The following TRAP1 variants were observed in gnomAD, a reference collection of about 807,000 sequenced individuals.
TRAP1 encodes heat shock protein 75 kDa, mitochondrial.
Under a neutral mutation model 89.1 loss-of-function variants are expected in TRAP1, and 102 were observed. The ratio of observed to expected loss-of-function variants is 1.15; its 90% CI spans 0.98 to 1.35. TRAP1 has a LOEUF of 1.35. TRAP1 is among the 40% of genes most tolerant of loss of function. TRAP1 has a pLI of 0.00. For synonymous variants in TRAP1, 508 were observed against 388.0 expected (o/e 1.31, Z -3.64); for missense variants, 1,256 against 945.3 (o/e 1.33, Z -4.31).
At chr16:3,669,704 G>A (rs1369936372) in intron 11 of TRAP1, among the ~76,000 whole-genome samples, 1 of 151,696 alleles carries the variant, frequency 6.6e-6, no homozygotes, top group Non-Finnish European at 1.5e-5. Flanking sequence ...CGTGGTGGTG[G>A]GTGCCTGTAT....
Position 3,691,001 on chromosome 16 carries a change from T to C in TRAP1, c.89-16A>G. 2.0e-6 allele frequency: 3 copies of C among 1,467,044 alleles called. No individual in the cohort carries two copies. The highest frequency in any genetic ancestry group is 2.7e-6 in the Non-Finnish European group (3 of 1,101,820). 90.9% of individuals were successfully genotyped at this position (1,467,044 alleles called of 1,614,324 possible). ...ATTGGTTTTCCTGAAAAGACAAATA[T>C]GCAGAAAGAATGAGAATTAGGAAGA... On this transcript the variant is annotated splice_polypyrimidine_tract_variant and intron_variant, in intron 1 of 17. Transcript: ENST00000246957.
At chr16:3,672,921 C>T (rs1050674438) in intron 9 of TRAP1, 101 bp from the exon 10 acceptor site, 26 of 1,446,916 alleles carry the variant, frequency 1.8e-5, no homozygotes, top group African/African-American at 5.7e-5. Context: ...AGCCCACTCC[C>T]GCCTCGCCCT....
At chr16:3,661,088 A>G (rs1452465524) in intron 16 of TRAP1, 3 of 152,176 alleles carry the variant, frequency 2.0e-5, no homozygotes, top group Non-Finnish European at 4.4e-5. Flanking sequence ...CTTCATATAC[A>G]AGTTAGTTCA....
intron 1 of TRAP1, among the ~76,000 whole-genome samples, chr16:3,705,339 G>C (rs537954436): frequency 6.6e-6 from 1 of 152,224 alleles, no homozygotes; most frequent in Non-Finnish European, 1.5e-5. Flanking sequence ...AAAGTGCTGG[G>C]ATTACAGGCA....
intron 1 of TRAP1, among the ~76,000 whole-genome samples, chr16:3,698,612 C>A (rs1351060232): frequency 6.6e-6 from 1 of 150,980 alleles, no homozygotes; most frequent in Non-Finnish European, 1.5e-5. Flanking sequence ...TCTACAACAA[C>A]TTTTAATCAC....
At chr16:3,715,619 C>G (rs1462908878) in intron 1 of TRAP1, among the ~76,000 whole-genome samples, 2 of 151,926 alleles carry the variant, frequency 1.3e-5, no homozygotes, top group African/African-American at 4.8e-5. Context: ...GGGGAAAAAA[C>G]CCGAGTCAGC....
intron 1 of TRAP1, among the ~76,000 whole-genome samples, chr16:3,705,159 G>C (rs1428548052): frequency 6.6e-6 from 1 of 152,114 alleles, no homozygotes; most frequent in Non-Finnish European, 1.5e-5. Flanking sequence ...CTGCGTCCTG[G>C]GTTCATGCCA....
chr16:3,691,118 A>C, intron 1 of TRAP1, 133 bp from the exon 2 acceptor site: 1 of 826,994 alleles, frequency 1.2e-6, no homozygotes, highest in South Asian at 2.7e-5. Context: ...TGAAAGAGAA[A>C]TCCACAGGAC....
chr16:3,716,191 A>T (rs527393196), intron 1 of TRAP1, among the ~76,000 whole-genome samples: 1 of 152,204 alleles, frequency 6.6e-6, no homozygotes, highest in Non-Finnish European at 1.5e-5. Flanking sequence ...TTGAAAAGAC[A>T]TAAGATTCAG....
intron 10 of TRAP1, 150 bp downstream of exon 10, chr16:3,672,550 G>T: frequency 7.7e-7 from 1 of 1,297,960 alleles, no homozygotes; most frequent in Non-Finnish European, 1.0e-6. Context: ...CCCGGGGTCT[G>T]TAAACGCGAC....
chr16:3,679,566 G>A (rs901249041), intron 5 of TRAP1, among the ~76,000 whole-genome samples, 153 bp downstream of exon 5: 10 of 152,164 alleles, frequency 6.6e-5, no homozygotes, highest in Non-Finnish European at 8.8e-5. Context: ...ACTGAGGGAT[G>A]GCTGTCATGT....
At chr16:3,664,568 C>T in intron 12 of TRAP1, 109 bp from the exon 13 acceptor site, 1 of 1,244,752 alleles carries the variant, frequency 8.0e-7, no homozygotes, top group Non-Finnish European at 1.1e-6. Flanking sequence ...GCACTCCAGG[C>T]TGGCCCTGAC....
In TRAP1 at chr16:3,658,844, C is replaced by A; in HGVS notation, c.1962G>T (p.Leu654=). 1.2e-6 allele frequency: 2 copies of A among 1,614,072 alleles called. No individual in the cohort carries two copies. Among genetic ancestry groups the A allele is most frequent in the South Asian group, 1.1e-5 (1 of 91,076 alleles). ...CAGGCTCGCTTGCGCGCAGCTGATTCAGCTTCTTGATGAGCGCGTGCCTGC... is the reference window on the plus strand; with the variant it reads ...CAGGCTCGCTTGCGCGCAGCTGATTAAGCTTCTTGATGAGCGCGTGCCTGC... ...INPRHALIKK[L]NQLRASEPGL... The change falls in exon 17 of 18, where the codon CTG becomes CTT. Residue 654 remains leucine, a synonymous_variant. Transcript: ENST00000246957.
At chr16:3,701,283 G>A (rs2051361305) in intron 1 of TRAP1, among the ~76,000 whole-genome samples, 1 of 152,118 alleles carries the variant, frequency 6.6e-6, no homozygotes, top group South Asian at 2.1e-4. Context: ...TAATAACAGA[G>A]CTTCAACATA....
chr16:3,708,719 G>A (rs1283381054), intron 1 of TRAP1, among the ~76,000 whole-genome samples: 2 of 152,070 alleles, frequency 1.3e-5, no homozygotes, highest in Admixed American at 6.5e-5. Context: ...GTGAGGCTGA[G>A]GCGAGAGGAC....
In TRAP1 at chr16:3,671,785, A is replaced by C; in HGVS notation, c.1172T>G (p.Val391Gly). The C allele has an allele frequency of 6.2e-7, 1 of 1,612,242 alleles. No individual in the cohort carries two copies. Among genetic ancestry groups the C allele is most frequent in the South Asian group, 1.1e-5 (1 of 91,078 alleles). Reference protein sequence around the residue: ...PKWLRFIRGVVDSEDIPLNLS... With the variant: ...PKWLRFIRGVGDSEDIPLNLS... ...GTTCAGGGGAATGTCCTCACTGTCC[A>C]CCACACCTGGGAGACACGGCAGTCA... The change falls in exon 11 of 18, where the codon GTG (valine) becomes GGG (glycine). Residue 391 changes from valine (V) to glycine (G), a missense_variant. Transcript: ENST00000246957.
intron 1 of TRAP1, among the ~76,000 whole-genome samples, chr16:3,707,273 C>G (rs552514676): frequency 8.5e-4 from 128 of 150,166 alleles, no homozygotes; most frequent in African/African-American, 2.7e-3. Context: ...GCAAGCTCCG[C>G]CTCCCGGGTT....
At chr16:3,669,366 CT>C (rs1372580833) in intron 11 of TRAP1, among the ~76,000 whole-genome samples, 4 of 152,216 alleles carry the variant, frequency 2.6e-5, no homozygotes, top group Non-Finnish European at 4.4e-5. Context: ...AGTCGGGGTC[CT>C]GCTGTCAGAA....
intron 1 of TRAP1, among the ~76,000 whole-genome samples, chr16:3,707,228 C>A (rs1024514901): frequency 6.7e-6 from 1 of 149,136 alleles, no homozygotes; most frequent in African/African-American, 2.5e-5. Context: ...CTCTGTCGCC[C>A]AGGCTGGAGT....
Sources: gnomAD v4.1 joint callset for allele counts (sites outside exome capture counted in the v4.1 genomes callset) on GRCh38, gnomAD v4.1.1 for gene constraint, MANE v1.5 for transcripts, NCBI Gene and HGNC (gene_info 2026-07-23, HGNC 2026-07-21) for gene names.